Variants in TENM2 observed in about 807,000 individuals in gnomAD.
TENM2 encodes teneurin-2.
In TENM2, 52 loss-of-function variants were observed where a neutral mutation model predicts 245.2. That is an observed-to-expected ratio of 0.21 (90% CI 0.17 to 0.27). The LOEUF (loss-of-function observed/expected upper bound fraction) is 0.27. Ranked by LOEUF, TENM2 falls within the 10% of genes least tolerant of loss-of-function variation. The pLI, the probability that TENM2 is intolerant of heterozygous loss-of-function variation, is 1.00. For missense variants in TENM2, 3,046 were observed against 3,666.8 expected, an observed-to-expected ratio of 0.83 and a Z score of 4.37; for synonymous variants, 1,363 against 1,438.9, an observed-to-expected ratio of 0.95 and a Z score of 1.19.
intron 2 of TENM2, among the ~76,000 whole-genome samples, chr5:167,389,509 A>G (rs1761637353): frequency 6.6e-6 from 1 of 152,142 alleles, no homozygotes; most frequent in African/African-American, 2.4e-5. Context: ...TCCAATATTT[A>G]AGAGGGACAT....
At chr5:167,570,418 G>A (rs1392631215) in intron 2 of TENM2, among the ~76,000 whole-genome samples, 2 of 150,670 alleles carry the variant, frequency 1.3e-5, no homozygotes, top group Admixed American at 1.3e-4. Flanking sequence ...TAAAACGGCT[G>A]TTTTCAATGG....
At chr5:167,055,759 C>G in the TENM2 span, among the ~76,000 whole-genome samples, 1 of 152,010 alleles carries the variant, frequency 6.6e-6, no homozygotes, top group Non-Finnish European at 1.5e-5. Context: ...TATTAACCTT[C>G]TAACTGCTGT....
the TENM2 span, among the ~76,000 whole-genome samples, chr5:167,163,673 A>G: frequency 6.6e-6 from 1 of 152,192 alleles, no homozygotes; most frequent in South Asian, 2.1e-4. Context: ...TGATTACGGT[A>G]ACCACAGGCT....
intron 2 of TENM2, among the ~76,000 whole-genome samples, chr5:167,664,249 C>T (rs1755428428): frequency 2.6e-5 from 4 of 152,190 alleles, no homozygotes; most frequent in South Asian, 4.1e-4. Flanking sequence ...TTCAAAGCCC[C>T]TTGGCCTGAG....
At chr5:167,665,999 G>A (rs543577985) in intron 2 of TENM2, among the ~76,000 whole-genome samples, 1 of 152,300 alleles carries the variant, frequency 6.6e-6, no homozygotes, top group South Asian at 2.1e-4. Context: ...TACTTGAAAT[G>A]CTTTGTGTGG....
At chr5:167,073,924 C>T in the TENM2 span, among the ~76,000 whole-genome samples, 20 of 152,114 alleles carry the variant, frequency 1.3e-4, no homozygotes, top group African/African-American at 4.6e-4. Flanking sequence ...CCATATATTT[C>T]GACGTCATCT....
intron 2 of TENM2, among the ~76,000 whole-genome samples, chr5:167,760,305 CT>C (rs879559667): frequency 1.2e-4 from 18 of 152,188 alleles, no homozygotes; most frequent in Non-Finnish European, 2.2e-4. Context: ...GTCATCCCAT[CT>C]TTTGTTGTTC....
chr5:167,121,375 T>C, the TENM2 span, among the ~76,000 whole-genome samples: 1 of 152,094 alleles, frequency 6.6e-6, no homozygotes, highest in Non-Finnish European at 1.5e-5. Context: ...TTAGCTGAAC[T>C]TGAATGAGAA....
chr5:168,155,928 T>C (rs1757122033), intron 12 of TENM2, among the ~76,000 whole-genome samples: 1 of 137,884 alleles, frequency 7.3e-6, no homozygotes, highest in African/African-American at 2.8e-5. Context: ...AAAAAAATTG[T>C]AAGTACGGTC....
chr5:167,344,900 C>T (rs142876814), intron 1 of TENM2, among the ~76,000 whole-genome samples: 2 of 152,202 alleles, frequency 1.3e-5, no homozygotes, highest in South Asian at 2.1e-4. Context: ...GTAAAGAATG[C>T]CCATTTTGAG....
the TENM2 span, among the ~76,000 whole-genome samples, chr5:167,038,956 T>C: frequency 6.6e-6 from 1 of 152,136 alleles, no homozygotes; most frequent in Non-Finnish European, 1.5e-5. Flanking sequence ...GGTGACAGGA[T>C]GATGAAGCAT....
the TENM2 span, among the ~76,000 whole-genome samples, chr5:167,129,779 C>G: frequency 1.3e-5 from 2 of 152,050 alleles, no homozygotes; most frequent in Non-Finnish European, 2.9e-5. Context: ...TGATTTTTTT[C>G]CCTTGACCCA....
chr5:166,991,602 G>A, the TENM2 span, among the ~76,000 whole-genome samples: 3 of 152,120 alleles, frequency 2.0e-5, no homozygotes, highest in African/African-American at 7.2e-5. Context: ...GCTATAATTT[G>A]CAGAAATGAC....
At chr5:167,231,487 G>C in the TENM2 span, among the ~76,000 whole-genome samples, 1 of 152,176 alleles carries the variant, frequency 6.6e-6, no homozygotes, top group African/African-American at 2.4e-5. Flanking sequence ...GCAGCATTTT[G>C]CTCCTCCCCT....
chr5:167,207,770 T>G, the TENM2 span, among the ~76,000 whole-genome samples: 2 of 152,208 alleles, frequency 1.3e-5, no homozygotes, highest in African/African-American at 4.8e-5. Context: ...TTTCTTTTTT[T>G]GAGATGGAGT....
the TENM2 span, among the ~76,000 whole-genome samples, chr5:167,252,082 G>T: frequency 1.3e-5 from 2 of 152,082 alleles, no homozygotes; most frequent in African/African-American, 4.8e-5. Flanking sequence ...GTGTGATAAA[G>T]TTCTCCTGGC....
intron 2 of TENM2, among the ~76,000 whole-genome samples, chr5:167,568,093 C>A (rs1434197551): frequency 2.0e-5 from 3 of 151,628 alleles, no homozygotes; most frequent in Admixed American, 6.6e-5. Context: ...AACAGTTCAC[C>A]AATGGTATGA....
At chr5:166,982,791 T>TGA in the TENM2 span, among the ~76,000 whole-genome samples, 9 of 149,622 alleles carry the variant, frequency 6.0e-5, no homozygotes, top group Non-Finnish European at 1.2e-4. Flanking sequence ...ATGTTTTTTT[T>TGA]GGGGGGGGGA....
At chr5:167,532,311 T>A (rs1004807241) in intron 2 of TENM2, among the ~76,000 whole-genome samples, 49 of 151,930 alleles carry the variant, frequency 3.2e-4, no homozygotes, top group African/African-American at 1.1e-3. Context: ...CTCTCTCTTT[T>A]TATATATATA....
Sources: allele counts gnomAD v4.1 joint callset (sites outside exome capture counted in the v4.1 genomes callset), GRCh38; gene constraint gnomAD v4.1.1; transcripts MANE v1.5; gene names NCBI Gene and HGNC (gene_info 2026-07-23, HGNC 2026-07-21).